The following ST6GAL1 variants were observed in gnomAD, a reference collection of about 807,000 sequenced individuals.
The protein encoded by ST6GAL1 is ST6 beta-galactoside alpha-2,6-sialyltransferase 1.
A neutral mutation model predicts 38.0 loss-of-function variants in ST6GAL1; 20 were observed. That is an observed-to-expected ratio of 0.53 (90% CI 0.37 to 0.77). ST6GAL1 has a LOEUF of 0.77. Ranked by LOEUF, ST6GAL1 falls within the 30% of genes least tolerant of loss-of-function variation. The pLI is 0.00. For synonymous variants in ST6GAL1, 196 were observed against 188.2 expected (o/e 1.04, Z -0.34); for missense variants, 432 against 496.4 (o/e 0.87, Z 1.23).
chr3:187,051,688 A>C (rs1718521006), intron 5 of ST6GAL1: 2 of 277,958 alleles, frequency 7.2e-6, no homozygotes, highest in Admixed American at 4.4e-5. Flanking sequence ...GAGTGTTGTG[A>C]AAAGTGAATG....
intron 1 of ST6GAL1, among the ~76,000 whole-genome samples, chr3:186,957,508 G>GT (rs1191269659): frequency 6.6e-6 from 1 of 152,032 alleles, no homozygotes; most frequent in African/African-American, 2.4e-5. Flanking sequence ...CATCAGAATA[G>GT]TAAGACTCGC....
At chr3:187,047,663 T>C (rs1718346117) in intron 4 of ST6GAL1, among the ~76,000 whole-genome samples, 3 of 152,166 alleles carry the variant, frequency 2.0e-5, no homozygotes, top group South Asian at 2.1e-4. Flanking sequence ...ATCTCAGTAG[T>C]TGTGGATTTC....
At chr3:186,977,084 A>G (rs1186878568) in intron 2 of ST6GAL1, among the ~76,000 whole-genome samples, 2 of 152,172 alleles carry the variant, frequency 1.3e-5, no homozygotes, top group South Asian at 2.1e-4. Flanking sequence ...TTTATTGGCT[A>G]TTGCTGAGAT....
intron 5 of ST6GAL1, 26 bp from the exon 6 acceptor site, chr3:187,072,823 G>A (rs759687307): frequency 2.4e-5 from 38 of 1,595,798 alleles, no homozygotes; most frequent in Admixed American, 3.3e-5. Context: ...ATGTTCAAGC[G>A]ACAGCTTATC....
At chr3:187,072,765 A>T (rs776688408) in intron 5 of ST6GAL1, 84 bp from the exon 6 acceptor site, 3 of 1,210,376 alleles carry the variant, frequency 2.5e-6, no homozygotes, top group Non-Finnish European at 3.7e-6. Flanking sequence ...CTCAGGCTGT[A>T]CCTTGTGCTA....
At chr3:186,967,716 C>T (rs1715197049) in intron 2 of ST6GAL1, among the ~76,000 whole-genome samples, 1 of 152,192 alleles carries the variant, frequency 6.6e-6, no homozygotes, top group South Asian at 2.1e-4. Flanking sequence ...GCCGAAAGAG[C>T]TCCTTGGAAG....
intron 2 of ST6GAL1, among the ~76,000 whole-genome samples, chr3:187,034,798 A>G (rs548525894): frequency 6.6e-6 from 1 of 152,360 alleles, no homozygotes; most frequent in East Asian, 1.9e-4. Flanking sequence ...AGCCAATATC[A>G]TACTGAATGG....
intron 2 of ST6GAL1, among the ~76,000 whole-genome samples, chr3:186,984,779 C>T (rs1458339724): frequency 0.02 from 572 of 28,418 alleles, no homozygotes; most frequent in Non-Finnish European, 0.022. Flanking sequence ...TCCTTCCTTC[C>T]CTTCCTCCCT....
At chr3:186,966,516 G>GT (rs1332558929) in intron 2 of ST6GAL1, among the ~76,000 whole-genome samples, 1 of 152,184 alleles carries the variant, frequency 6.6e-6, no homozygotes, top group East Asian at 1.9e-4. Context: ...TTGCCCACGT[G>GT]GTAGTTCCAA....
intron 2 of ST6GAL1, among the ~76,000 whole-genome samples, chr3:186,970,579 A>G (rs2108531190): frequency 6.7e-6 from 1 of 150,010 alleles, no homozygotes; most frequent in African/African-American, 2.4e-5. Context: ...CTTTTTTGTC[A>G]CCCTGCCCCC....
chr3:186,985,445 G>A (rs937276146), intron 2 of ST6GAL1, among the ~76,000 whole-genome samples: 13 of 151,618 alleles, frequency 8.6e-5, no homozygotes, highest in East Asian at 3.9e-4. Flanking sequence ...GTGAGTAAGC[G>A]TAGAATATAA....
intron 1 of ST6GAL1, chr3:186,949,082 A>G (rs545763059): frequency 6.6e-6 from 1 of 152,230 alleles, no homozygotes; most frequent in South Asian, 2.1e-4. Flanking sequence ...CCAGAGAGTC[A>G]TTTTTCCTAC....
At chr3:187,051,651 A>G (rs1718519662) in intron 5 of ST6GAL1, 1 of 335,418 alleles carries the variant, frequency 3.0e-6, no homozygotes, top group Non-Finnish European at 5.8e-6. Context: ...GGGACAGCAG[A>G]GCGCAGAACA....
At chr3:186,977,776 TGAA>T (rs781618347) in intron 2 of ST6GAL1, among the ~76,000 whole-genome samples, 3 of 152,194 alleles carry the variant, frequency 2.0e-5, no homozygotes, top group Non-Finnish European at 2.9e-5. Flanking sequence ...AAAATAAAAA[TGAA>T]GATATTAATA....
chr3:187,046,704 A>G (rs1006063231), intron 4 of ST6GAL1, among the ~76,000 whole-genome samples: 3 of 152,322 alleles, frequency 2.0e-5, no homozygotes, highest in African/African-American at 7.2e-5. Flanking sequence ...CTGAGAAGAC[A>G]CCTGTGAACT....
At chr3:187,012,705 G>A (rs561380932) in intron 2 of ST6GAL1, among the ~76,000 whole-genome samples, 1 of 152,250 alleles carries the variant, frequency 6.6e-6, no homozygotes, top group African/African-American at 2.4e-5. Context: ...TCAAGACTGG[G>A]TGCCAGGCCG....
chr3:186,972,668 C>A (rs1197279988), intron 2 of ST6GAL1, among the ~76,000 whole-genome samples: 1 of 152,102 alleles, frequency 6.6e-6, no homozygotes, highest in East Asian at 1.9e-4. Context: ...GAAGCATGCA[C>A]ATAGTAGGTG....
At chr3:187,043,539 T>G (rs1286604708) in intron 4 of ST6GAL1, among the ~76,000 whole-genome samples, 5 of 152,186 alleles carry the variant, frequency 3.3e-5, no homozygotes, top group African/African-American at 1.2e-4. Context: ...TTCCTAATAT[T>G]TTTAGTTGAT....
chr3:187,047,070 C>A (rs1474987893), intron 4 of ST6GAL1, among the ~76,000 whole-genome samples: 1 of 152,072 alleles, frequency 6.6e-6, no homozygotes. Flanking sequence ...CTCAGCCTCC[C>A]GAGTAGCTGG....
Sources: gnomAD v4.1 joint callset for allele counts (sites outside exome capture counted in the v4.1 genomes callset) on GRCh38, gnomAD v4.1.1 for gene constraint, MANE v1.5 for transcripts, NCBI Gene and HGNC (gene_info 2026-07-23, HGNC 2026-07-21) for gene names.